The following GRAMD1B variants were observed in gnomAD, a reference collection of about 807,000 sequenced individuals.
The protein encoded by GRAMD1B is GRAM domain containing 1B.
A neutral mutation model predicts 99.7 loss-of-function variants in GRAMD1B; 37 were observed. The ratio of observed to expected loss-of-function variants is 0.37; its 90% confidence interval spans 0.29 to 0.49. The LOEUF (loss-of-function observed/expected upper bound fraction) is 0.49. Among genes scored for constraint, GRAMD1B ranks in the 20% least tolerant of loss-of-function variants. GRAMD1B has a pLI of 0.98. For missense variants in GRAMD1B, 888 were observed against 1,009.2 expected, an observed-to-expected ratio of 0.88 and a Z score of 1.63; for synonymous variants, 427 against 387.6, an observed-to-expected ratio of 1.10 and a Z score of -1.19.
intron 1 of GRAMD1B, among the ~76,000 whole-genome samples, chr11:123,360,816 C>CTTCT (rs1946121019): frequency 1.5e-5 from 2 of 137,892 alleles, no homozygotes. Context: ...TCCTTCCTTC[C>CTTCT]TTCCTTCCTT....
At chr11:123,598,411 C>T (rs1314021093) in intron 7 of GRAMD1B, 11 of 942,720 alleles carry the variant, frequency 1.2e-5, no homozygotes, top group South Asian at 6.4e-5. Flanking sequence ...CTTGCTTGCT[C>T]GCGTTGTACA....
At chr11:123,398,706 T>C (rs1184408340) in intron 1 of GRAMD1B, among the ~76,000 whole-genome samples, 1 of 152,248 alleles carries the variant, frequency 6.6e-6, no homozygotes, top group Admixed American at 6.5e-5. Context: ...CATGTATTTA[T>C]CGGTCATTTA....
chr11:123,578,969 G>C (rs1388701947), intron 3 of GRAMD1B, among the ~76,000 whole-genome samples: 1 of 152,156 alleles, frequency 6.6e-6, no homozygotes, highest in Non-Finnish European at 1.5e-5. Context: ...CTCCCCACTC[G>C]AGAGCTGCTC....
intron 2 of GRAMD1B, among the ~76,000 whole-genome samples, chr11:123,537,109 C>A (rs761351248): frequency 6.6e-6 from 1 of 152,076 alleles, no homozygotes; most frequent in Non-Finnish European, 1.5e-5. Context: ...ATCTACTGGG[C>A]TAGGTGGCAA....
chr11:123,618,470 C>A, intron 17 of GRAMD1B: 1 of 958,506 alleles, frequency 1.0e-6, no homozygotes, highest in Non-Finnish European at 1.7e-6. Context: ...TTTCTAGTGC[C>A]TTCATCCCAT....
chr11:123,412,075 A>G (rs1948071627), intron 1 of GRAMD1B, among the ~76,000 whole-genome samples: 1 of 152,186 alleles, frequency 6.6e-6, no homozygotes, highest in African/African-American at 2.4e-5. Flanking sequence ...GAGATACATA[A>G]TGTGGTAAGT....
chr11:123,560,546 C>T (rs922440353), intron 2 of GRAMD1B: 11 of 1,153,016 alleles, frequency 9.5e-6, no homozygotes, highest in South Asian at 5.1e-5. Context: ...CCTCCAGCCT[C>T]CTCAGGGCCC....
chr11:123,513,603 TTC>T (rs1419229952), intron 2 of GRAMD1B, among the ~76,000 whole-genome samples: 11 of 111,292 alleles, frequency 9.9e-5, no homozygotes, highest in African/African-American at 4.4e-4. Context: ...CCTTCCTTCC[TTC>T]CTTCCTTCCT....
chr11:123,382,811 A>G (rs1486860570), intron 1 of GRAMD1B, among the ~76,000 whole-genome samples: 1 of 152,142 alleles, frequency 6.6e-6, no homozygotes, highest in Admixed American at 6.5e-5. Context: ...GAGGCAAGAG[A>G]GGTCACCTGA....
chr11:123,583,456 G>C (rs775323494), intron 3 of GRAMD1B, among the ~76,000 whole-genome samples: 1 of 152,080 alleles, frequency 6.6e-6, no homozygotes, highest in African/African-American at 2.4e-5. Flanking sequence ...GTATGTGTAT[G>C]AGTATGTGTG....
At chr11:123,428,653 C>A (rs1057070669), upstream of GRAMD1B, among the ~76,000 whole-genome samples, 3 of 152,266 alleles carry the variant, frequency 2.0e-5, no homozygotes, top group African/African-American at 7.2e-5. Flanking sequence ...CCATAGCCAG[C>A]TGTCATCCTT....
intron 1 of GRAMD1B, among the ~76,000 whole-genome samples, chr11:123,470,460 C>T (rs1462285299): frequency 1.3e-5 from 2 of 151,646 alleles, no homozygotes; most frequent in Non-Finnish European, 2.9e-5. Context: ...ACTAGGATTA[C>T]AGGCATGAGC....
At chr11:123,561,512 C>T (rs1411228728) in intron 2 of GRAMD1B, among the ~76,000 whole-genome samples, 2 of 152,214 alleles carry the variant, frequency 1.3e-5, no homozygotes, top group African/African-American at 4.8e-5. Flanking sequence ...AAATAGCTAC[C>T]CAGTGGCTGG....
intron 11 of GRAMD1B, 177 bp from the exon 12 acceptor site, chr11:123,608,482 C>A: frequency 2.0e-6 from 3 of 1,522,788 alleles, no homozygotes; most frequent in South Asian, 2.4e-5. Context: ...AGAAAGAGAC[C>A]GAAAGCAAAG....
intron 17 of GRAMD1B, among the ~76,000 whole-genome samples, chr11:123,615,835 G>A (rs928472237): frequency 6.6e-6 from 1 of 152,196 alleles, no homozygotes; most frequent in Non-Finnish European, 1.5e-5. Context: ...GTGAATGAAA[G>A]CATCCATAGA....
intron 2 of GRAMD1B, among the ~76,000 whole-genome samples, chr11:123,524,448 G>A (rs1942499094): frequency 6.6e-6 from 1 of 151,784 alleles, no homozygotes. Context: ...TCAAGCAATT[G>A]TCCTGCCTCA....
chr11:123,397,766 C>A (rs1947517915), intron 1 of GRAMD1B, among the ~76,000 whole-genome samples: 1 of 152,176 alleles, frequency 6.6e-6, no homozygotes, highest in African/African-American at 2.4e-5. Flanking sequence ...ACCTTGGCCT[C>A]CCAAAGTGCT....
At chr11:123,392,349 G>A (rs1049968194) in intron 1 of GRAMD1B, among the ~76,000 whole-genome samples, 1 of 151,118 alleles carries the variant, frequency 6.6e-6, no homozygotes, top group African/African-American at 2.4e-5. Flanking sequence ...TCTTCTGCTT[G>A]TCCTTTAAGT....
intron 4 of GRAMD1B, among the ~76,000 whole-genome samples, chr11:123,585,774 C>A (rs538276357): frequency 6.6e-6 from 1 of 152,314 alleles, no homozygotes; most frequent in Admixed American, 6.5e-5. Flanking sequence ...GGAACAGGAC[C>A]CACGTGGCTG....
Sources: gnomAD v4.1 joint callset for allele counts (sites outside exome capture counted in the v4.1 genomes callset) on GRCh38, gnomAD v4.1.1 for gene constraint, MANE v1.5 for transcripts, NCBI Gene and HGNC (gene_info 2026-07-23, HGNC 2026-07-21) for gene names.